Variants in NOL9 observed in about 807,000 individuals in gnomAD.
NOL9 encodes nucleolar protein 9.
NOL9 carries 28 observed loss-of-function variants against 67.9 expected under a neutral mutation model. The ratio of observed to expected loss-of-function variants is 0.41; its 90% CI spans 0.31 to 0.57. The LOEUF (loss-of-function observed/expected upper bound fraction) is 0.57. Among genes scored for constraint, NOL9 ranks in the 20% least tolerant of loss-of-function variants. NOL9 has a pLI of 0.25. For synonymous variants in NOL9, 356 were observed against 352.2 expected, an observed-to-expected ratio of 1.01 and a Z score of -0.12; for missense variants, 777 against 897.0, an observed-to-expected ratio of 0.87 and a Z score of 1.71.
chr1:6,527,328 G>A (rs535227399), intron 10 of NOL9, among the ~76,000 whole-genome samples: 17 of 151,926 alleles, frequency 1.1e-4, no homozygotes, highest in Admixed American at 3.3e-4. Flanking sequence ...GTTCAGCCAC[G>A]AGGAACAAAA....
Position 6,523,924 on chromosome 1 carries a change from C to T in NOL9, c.*1930G>A, listed in dbSNP as rs1484938424. The stretch of plus-strand genomic sequence containing the variant: ...TGAATGCAAATGCAATTACAGGGCA[C>T]CAGTTTCATTCTTCCAGAGCCTTGC... On this transcript the variant is annotated 3_prime_UTR_variant, in exon 12 of 12. Coordinates refer to ENST00000377705, the MANE Select transcript of NOL9 (RefSeq NM_024654.5). The T allele has an allele frequency of 6.6e-6, 1 of 152,254 alleles. No homozygotes were observed. Among genetic ancestry groups the T allele is most frequent in the Non-Finnish European group, 1.5e-5 (1 of 68,062 alleles). 9.4% of individuals were successfully genotyped at this position (152,254 alleles called of 1,614,324 possible). A position where few individuals can be genotyped will look rare whatever the true frequency, so the allele number is the denominator to read the frequency against.
chr1:6,541,739 A>G (rs1179213961), intron 6 of NOL9, 91 bp downstream of exon 6: 15 of 715,406 alleles, frequency 2.1e-5, no homozygotes, highest in Non-Finnish European at 3.3e-5. Context: ...CCCTTTTAAT[A>G]TTTTATACTC....
rs17029613 is a variant in NOL9 at position 6,532,740 on chromosome 1, T to C, written c.1258A>G (p.Ile420Val). The C allele has an allele frequency of 7.3e-4, 1,173 of 1,612,740 alleles. 20 individuals are homozygous for C. The East Asian group carries it at 0.024, about 33-fold the overall frequency. ...GGAGACAGCAATCGGATCAGATCAA[T>C]GAGAAGCAGGAGCCCCTGGTCTGTG... ...WVSDQGLLLLIDLIRLLSPSH... is the reference protein window; with the variant it reads ...WVSDQGLLLLVDLIRLLSPSH... The change falls in exon 8 of 12, where the codon ATT becomes GTT. Residue 420 changes from isoleucine to valine, a missense_variant. Coordinates refer to ENST00000377705, the MANE Select transcript of NOL9 (RefSeq NM_024654.5).
At chr1:6,547,905 G>T in intron 3 of NOL9, 1 of 188,234 alleles carries the variant, frequency 5.3e-6, no homozygotes, top group Non-Finnish European at 1.2e-5. Context: ...AAGTGAGAAT[G>T]GTCCAGCATT....
At position 6,537,819 on chromosome 1, in the gene NOL9, C is replaced by T. The variant is rs184419691; in HGVS notation, c.1075+4011G>A. On this transcript the variant is annotated intron_variant, in intron 6 of 11. Coordinates refer to ENST00000377705, the MANE Select transcript of NOL9 (RefSeq NM_024654.5). Reference sequence around the variant, plus strand: ...TATTAATTCAAAATGGATCAAAAACCTAAACTTAAGAGTAAAAACTGGGCT... The same window carrying T: ...TATTAATTCAAAATGGATCAAAAACTTAAACTTAAGAGTAAAAACTGGGCT... Among the ~76,000 whole-genome samples, 384 of 151,534 alleles carry T rather than the reference C, an allele frequency of 2.5e-3. 1 individual carries two copies. Among genetic ancestry groups the T allele is most frequent in the Non-Finnish European group, 3.5e-3 (238 of 67,878 alleles).
At chr1:6,530,245 G>A (rs1280270730) in intron 9 of NOL9, among the ~76,000 whole-genome samples, 1 of 152,180 alleles carries the variant, frequency 6.6e-6, no homozygotes, top group Non-Finnish European at 1.5e-5. Context: ...CTGAGGTCAG[G>A]AGTTCGAGAC....
intron 5 of NOL9, among the ~76,000 whole-genome samples, chr1:6,543,830 A>C (rs950786718): frequency 1.3e-5 from 2 of 152,066 alleles, no homozygotes; most frequent in Non-Finnish European, 2.9e-5. Context: ...AAACAAACAA[A>C]AAAATTAGCC....
chr1:6,528,531 C>G (rs949269391), intron 10 of NOL9, among the ~76,000 whole-genome samples: 1 of 152,158 alleles, frequency 6.6e-6, no homozygotes, highest in Non-Finnish European at 1.5e-5. Flanking sequence ...TCCAATGGAC[C>G]AAGTACGAGC....
intron 1 of NOL9, among the ~76,000 whole-genome samples, chr1:6,551,794 G>A (rs12733111): frequency 0.8 from 121,182 of 151,746 alleles, 49,330 homozygotes; most frequent in Non-Finnish European, 0.87. Flanking sequence ...CACTTTGGGA[G>A]GCCGAGGCGG....
intron 10 of NOL9, among the ~76,000 whole-genome samples, chr1:6,527,333 A>G (rs1557781483): frequency 6.6e-6 from 1 of 151,930 alleles, no homozygotes; most frequent in Admixed American, 6.6e-5. Context: ...GCCACGAGGA[A>G]CAAAAATGGT....
chr1:6,549,310 T>C (rs986148488), intron 3 of NOL9: 10 of 317,782 alleles, frequency 3.1e-5, no homozygotes, highest in African/African-American at 1.7e-4. Context: ...GGCTGGAGCA[T>C]GGTGTTAATA....
At chr1:6,534,951 T>C (rs900611866) in intron 6 of NOL9, among the ~76,000 whole-genome samples, 3 of 152,096 alleles carry the variant, frequency 2.0e-5, no homozygotes, top group Admixed American at 2.0e-4. Flanking sequence ...TTACAGGCAC[T>C]CGCCACCACA....
chr1:6,542,491 T>G (rs1463332503), intron 5 of NOL9, among the ~76,000 whole-genome samples: 1 of 145,222 alleles, frequency 6.9e-6, no homozygotes, highest in Admixed American at 7.0e-5. Flanking sequence ...GGAGTCCTGC[T>G]CTGTCGCCCA....
intron 9 of NOL9, among the ~76,000 whole-genome samples, chr1:6,530,855 T>G (rs1050353187): frequency 1.3e-5 from 2 of 152,242 alleles, no homozygotes; most frequent in African/African-American, 4.8e-5. Context: ...GGACATGCTG[T>G]GCGGCAGAGC....
intron 3 of NOL9, among the ~76,000 whole-genome samples, chr1:6,548,878 T>C (rs575106200): frequency 6.6e-6 from 1 of 151,642 alleles, no homozygotes; most frequent in Non-Finnish European, 1.5e-5. Flanking sequence ...GGTCAGGAGT[T>C]TGAGACCAAC....
intron 6 of NOL9, among the ~76,000 whole-genome samples, chr1:6,534,217 A>G (rs1365226737): frequency 6.6e-6 from 1 of 152,148 alleles, no homozygotes; most frequent in Non-Finnish European, 1.5e-5. Context: ...ACCCTGTGGC[A>G]GGTAGTAGTA....
intron 9 of NOL9, among the ~76,000 whole-genome samples, chr1:6,529,706 A>G (rs1468580253): frequency 6.6e-6 from 1 of 152,178 alleles, no homozygotes; most frequent in East Asian, 1.9e-4. Flanking sequence ...TGGGTTGATC[A>G]CTTGAGGTCA....
intron 11 of NOL9, among the ~76,000 whole-genome samples, chr1:6,526,492 G>A (rs1304169458): frequency 2.0e-5 from 3 of 152,144 alleles, no homozygotes; most frequent in South Asian, 2.1e-4. Flanking sequence ...AGCCCAGATC[G>A]CGACACTGAC....
At chr1:6,550,642 CATT>C (rs1326075673) in intron 1 of NOL9, 27 bp from the exon 2 acceptor site, 2 of 1,262,994 alleles carry the variant, frequency 1.6e-6, no homozygotes, top group South Asian at 1.2e-5. Context: ...ACAGAAAAAA[CATT>C]ATAGATCATG....
Sources: gnomAD v4.1 joint callset for allele counts (sites outside exome capture counted in the v4.1 genomes callset) on GRCh38, gnomAD v4.1.1 for gene constraint, MANE v1.5 for transcripts, NCBI Gene and HGNC (gene_info 2026-07-23, HGNC 2026-07-21) for gene names.